The following SLC17A5 variants were observed in gnomAD, a reference collection of about 807,000 sequenced individuals.
SLC17A5 encodes the protein sialin.
Under a neutral mutation model 59.4 loss-of-function variants are expected in SLC17A5, and 47 were observed. The observed-to-expected ratio is 0.79, with a 90% CI of 0.63 to 1.01. The LOEUF (loss-of-function observed/expected upper bound fraction) is 1.01, where lower values mean the gene tolerates loss of function less well. SLC17A5 is among the 50% of genes least tolerant of loss of function. The pLI, the probability that SLC17A5 is intolerant of heterozygous loss-of-function variation, is 0.00. For missense variants in SLC17A5, 522 were observed against 595.5 expected (o/e 0.88, Z 1.28); for synonymous variants, 202 against 210.7 (o/e 0.96, Z 0.36).
chr6:73,615,192 C>G lies in SLC17A5; in HGVS notation c.1111+123G>C. The G allele has an allele frequency of 4.5e-6, 5 of 1,110,614 alleles. No homozygotes were observed. The South Asian group carries it at 5.1e-5, about 11-fold the overall frequency. 68.8% of individuals were successfully genotyped at this position (1,110,614 alleles called of 1,614,324 possible). ...ATTTTGGTGATTAGAGCGAGGTGTTCTGTGTTGAGTATTGTGTTAACTGTG... is the reference window on the plus strand; with the variant it reads ...ATTTTGGTGATTAGAGCGAGGTGTTGTGTGTTGAGTATTGTGTTAACTGTG... On this transcript the variant is annotated intron_variant, in intron 8 of 10. Coordinates refer to ENST00000355773, the MANE Select transcript of SLC17A5 (RefSeq NM_012434.5).
intron 1 of SLC17A5, among the ~76,000 whole-genome samples, chr6:73,646,761 C>T (rs1227378385): frequency 1.3e-5 from 2 of 151,996 alleles, no homozygotes; most frequent in African/African-American, 4.8e-5. Context: ...TAACCTCGAA[C>T]CCCTGGACTC....
chr6:73,641,709 T>C lies in SLC17A5; in HGVS notation c.507A>G (p.Ala169=), dbSNP rs369334689. 6.2e-7 allele frequency: 1 copy of C among 1,612,922 alleles called. No homozygotes were observed. The highest frequency in any genetic ancestry group is 1.7e-5 in the Admixed American group (1 of 59,984). ...LGVGPLIVLR[A]LEGLGEGVTF... ...AAATTACCTCTCCTAGTCCTTCTAG[T>C]GCTCTGAGTACAATGAGTGGTCCAA... is the stretch of plus-strand genomic sequence containing the variant. Residue 169 remains alanine (A), a synonymous_variant, in exon 3 of 11, where the codon GCA becomes GCG. Coordinates refer to ENST00000355773, the MANE Select transcript of SLC17A5 (RefSeq NM_012434.5).
At position 73,610,465 on chromosome 6, in the gene SLC17A5, T is replaced by C. The variant is rs2150086634; in HGVS notation, c.1194A>G (p.Ile398Met). The change falls in exon 9 of 11, where the codon ATA (isoleucine) becomes ATG (methionine). Residue 398 changes from isoleucine (I) to methionine (M), a missense_variant. Coordinates refer to ENST00000355773, the MANE Select transcript of SLC17A5 (RefSeq NM_012434.5). Reference sequence around the variant, plus strand: ...AGCAAAAGCCTCCCAGTGTTGTTGATATAGTTAGGAAAGCAACGGCCAAAG... The same window carrying C: ...AGCAAAAGCCTCCCAGTGTTGTTGACATAGTTAGGAAAGCAACGGCCAAAG... ...DYSLAVAFLT[I>M]STTLGGFCSS... 2 of 1,614,108 alleles carry C rather than the reference T, an allele frequency of 1.2e-6. No individual in the cohort carries two copies. The highest frequency in any genetic ancestry group is 1.1e-5 in the South Asian group (1 of 91,078).
Position 73,595,226 on chromosome 6 carries a change from G to A in SLC17A5, c.1351-12C>T, listed in dbSNP as rs1245026717. On this transcript the variant is annotated splice_polypyrimidine_tract_variant and intron_variant, in intron 10 of 10. Coordinates refer to ENST00000355773, the MANE Select transcript of SLC17A5 (RefSeq NM_012434.5). The stretch of plus-strand genomic sequence containing the variant: ...TCTCCAACAGTGTTCTATAAAGGAA[G>A]ACAAAAAATGCAAGTGAAATAAAAT... 1 of 1,613,712 alleles carries A rather than the reference G, an allele frequency of 6.2e-7. No individual in the cohort carries two copies. The highest frequency in any genetic ancestry group is 8.5e-7 in the Non-Finnish European group (1 of 1,179,876).
At chr6:73,599,461 T>G (rs1418306032) in intron 10 of SLC17A5, among the ~76,000 whole-genome samples, 1 of 152,222 alleles carries the variant, frequency 6.6e-6, no homozygotes, top group East Asian at 1.9e-4. Flanking sequence ...CATACAAGAC[T>G]GTAATTCAGG....
chr6:73,608,150 C>T lies in SLC17A5; in HGVS notation c.1259+2250G>A, dbSNP rs1210757246. On this transcript the variant is annotated intron_variant, in intron 9 of 10. Coordinates refer to ENST00000355773, the MANE Select transcript of SLC17A5 (RefSeq NM_012434.5). The stretch of plus-strand genomic sequence containing the variant: ...ACCGATGGATTCCTCAGCATCCATT[C>T]CCACTCCCCACCCCCATCTGTGTAG... Among the ~76,000 whole-genome samples the T allele has an allele frequency of 2.0e-5, 3 of 152,250 alleles. No homozygotes were observed. In the South Asian group the frequency reaches 6.2e-4, roughly 32 times the overall value.
intron 2 of SLC17A5, among the ~76,000 whole-genome samples, chr6:73,643,839 G>A (rs1193899536): frequency 6.6e-6 from 1 of 152,158 alleles, no homozygotes; most frequent in Non-Finnish European, 1.5e-5. Context: ...CGTGTGATAA[G>A]CAACATAAAA....
intron 8 of SLC17A5, 131 bp downstream of exon 8, chr6:73,615,184 G>T: frequency 9.8e-7 from 1 of 1,019,094 alleles, no homozygotes; most frequent in Non-Finnish European, 1.5e-6. Context: ...TGATTAGAGC[G>T]AGGTGTTCTG....
At chr6:73,607,415 T>C (rs909290611) in intron 9 of SLC17A5, among the ~76,000 whole-genome samples, 1 of 152,054 alleles carries the variant, frequency 6.6e-6, no homozygotes, top group African/African-American at 2.4e-5. Flanking sequence ...TTACAGGTCC[T>C]ACCACCCCAC....
At chr6:73,618,941 G>A (rs1768005638) in intron 7 of SLC17A5, among the ~76,000 whole-genome samples, 1 of 152,102 alleles carries the variant, frequency 6.6e-6, no homozygotes, top group African/African-American at 2.4e-5. Context: ...TGCTCAGGCT[G>A]GTCTCGAACT....
chr6:73,618,837 G>A (rs1015582930), intron 7 of SLC17A5, among the ~76,000 whole-genome samples: 1 of 152,118 alleles, frequency 6.6e-6, no homozygotes, highest in African/African-American at 2.4e-5. Context: ...GAATTCTCCT[G>A]CCTCAGTCTC....
intron 6 of SLC17A5, among the ~76,000 whole-genome samples, chr6:73,633,858 T>C (rs910965918): frequency 1.1e-4 from 16 of 151,430 alleles, no homozygotes; most frequent in African/African-American, 3.4e-4. Flanking sequence ...CCAGCCTGGG[T>C]GAGAGAGCGA....
At chr6:73,620,977 C>T (rs1768116421) in intron 7 of SLC17A5, among the ~76,000 whole-genome samples, 1 of 150,882 alleles carries the variant, frequency 6.6e-6, no homozygotes, top group Admixed American at 6.6e-5. Flanking sequence ...CCTTCTGCCT[C>T]AGCCTCCCAA....
At chr6:73,615,544 G>C in intron 7 of SLC17A5, 97 bp from the exon 8 acceptor site, 1 of 1,166,444 alleles carries the variant, frequency 8.6e-7, no homozygotes, top group South Asian at 1.3e-5. Flanking sequence ...TGAAAGCAAA[G>C]GAAATGCATA....
Position 73,653,905 on chromosome 6 carries a change from T to C in SLC17A5, c.-19A>G. On this transcript the variant is annotated 5_prime_UTR_variant, in exon 1 of 11. Coordinates refer to ENST00000355773, the MANE Select transcript of SLC17A5 (RefSeq NM_012434.5). ...ACCTCATGACGCCTACGTGAGCAGG[T>C]GTACTCGCCACCTGGCAGAGAAGGG... 1 of 1,590,708 alleles carries C rather than the reference T, an allele frequency of 6.3e-7. No homozygotes were observed. The highest frequency in any genetic ancestry group is 8.6e-7 in the Non-Finnish European group (1 of 1,167,864).
rs395996 is a variant in SLC17A5 at position 73,600,089 on chromosome 6, C to T, written c.1350+262G>A. On this transcript the variant is annotated intron_variant, in intron 10 of 10. Coordinates refer to ENST00000355773, the MANE Select transcript of SLC17A5 (RefSeq NM_012434.5). Reference sequence around the variant, plus strand: ...GATTACAGGCATGAGCCACTGCACCCGGCCAATATCACAACTTTTAACTAC... The same window carrying T: ...GATTACAGGCATGAGCCACTGCACCTGGCCAATATCACAACTTTTAACTAC... Among the ~76,000 whole-genome samples the T allele has an allele frequency of 0.39, 59,889 of 152,036 alleles. 12,261 individuals are homozygous for T. Among genetic ancestry groups the T allele is most frequent in the African/African-American group, 0.49 (20,137 of 41,424 alleles).
At chr6:73,612,940 C>A (rs1581964193) in intron 8 of SLC17A5, among the ~76,000 whole-genome samples, 2 of 152,086 alleles carry the variant, frequency 1.3e-5, no homozygotes, top group Admixed American at 1.3e-4. Flanking sequence ...GTAGTCCCAG[C>A]TGCTCAGGAG....
At chr6:73,595,323 G>A in intron 10 of SLC17A5, 109 bp from the exon 11 acceptor site, 1 of 1,264,598 alleles carries the variant, frequency 7.9e-7, no homozygotes, top group Admixed American at 1.9e-5. Context: ...ATTCATAAAA[G>A]CCTCATCCTT....
At chr6:73,612,793 T>C (rs1767688268) in intron 8 of SLC17A5, among the ~76,000 whole-genome samples, 1 of 152,222 alleles carries the variant, frequency 6.6e-6, no homozygotes, top group African/African-American at 2.4e-5. Flanking sequence ...GGCTCACGCC[T>C]GTAATTCCAG....
Sources: allele counts gnomAD v4.1 joint callset (sites outside exome capture counted in the v4.1 genomes callset), GRCh38; gene constraint gnomAD v4.1.1; transcripts MANE v1.5; gene names NCBI Gene and HGNC (gene_info 2026-07-23, HGNC 2026-07-21).